ZFHX3: variants seen among roughly 807,000 people sequenced by gnomAD.
ZFHX3 encodes zinc finger homeobox protein 3.
In ZFHX3, 42 loss-of-function variants were observed where a neutral mutation model predicts 279.1. The ratio of observed to expected loss-of-function variants is 0.15; its 90% confidence interval spans 0.12 to 0.19. The LOEUF (loss-of-function observed/expected upper bound fraction) is 0.19. ZFHX3 is among the 10% of genes least tolerant of loss of function. ZFHX3 has a pLI of 1.00. For synonymous variants in ZFHX3, 2,293 were observed against 1,957.8 expected, an observed-to-expected ratio of 1.17 and a Z score of -4.52; for missense variants, 4,981 against 4,754.0, an observed-to-expected ratio of 1.05 and a Z score of -1.40.
intron 3 of ZFHX3, among the ~76,000 whole-genome samples, chr16:73,452,737 A>G (rs965912067): frequency 2.6e-5 from 4 of 152,204 alleles, no homozygotes; most frequent in Admixed American, 2.0e-4. Context: ...GTGCCTGTCT[A>G]AAGTTTCAAG....
chr16:72,785,544 G>A lies in ZFHX3; in HGVS notation c.*1620C>T, dbSNP rs374805180. 6.6e-5 allele frequency: 10 copies of A among 152,622 alleles called. No individual in the cohort carries two copies. In the East Asian group the frequency reaches 1.4e-3, roughly 21 times the overall value. The allele number at this position is 152,622 out of a possible 1,614,324, so 9.5% of individuals were successfully genotyped here. Reference sequence around the variant, plus strand: ...AACTAAGTCTTGTTTGTTTAAATCAGAAACAAATTCTCAAGTAACAAGAAC... The same window carrying A: ...AACTAAGTCTTGTTTGTTTAAATCAAAAACAAATTCTCAAGTAACAAGAAC... On this transcript the variant is annotated 3_prime_UTR_variant, in exon 10 of 10. Coordinates refer to ENST00000268489, the MANE Select transcript of ZFHX3 (RefSeq NM_006885.4).
chr16:73,431,935 C>T (rs2017918531), intron 3 of ZFHX3, among the ~76,000 whole-genome samples: 1 of 152,118 alleles, frequency 6.6e-6, no homozygotes, highest in Non-Finnish European at 1.5e-5. Flanking sequence ...CGAGATTCTC[C>T]TCCATTTGAC....
chr16:73,293,928 G>T (rs1413905435), intron 4 of ZFHX3: 1 of 123,718 alleles, frequency 8.1e-6, no homozygotes, highest in Non-Finnish European at 1.6e-5. Context: ...ACTTTGATCA[G>T]ATTCAACGCT....
chr16:73,350,692 A>T (rs1307769953), intron 3 of ZFHX3, among the ~76,000 whole-genome samples: 1 of 152,214 alleles, frequency 6.6e-6, no homozygotes, highest in Non-Finnish European at 1.5e-5. Context: ...CCTTCGGTCA[A>T]GTGCTGGAAT....
chr16:73,506,876 TGG>T (rs2019336432), intron 2 of ZFHX3, among the ~76,000 whole-genome samples: 1 of 152,210 alleles, frequency 6.6e-6, no homozygotes, highest in Non-Finnish European at 1.5e-5. Context: ...GCCCTCTTCC[TGG>T]CTGAACCAAA....
intron 3 of ZFHX3, among the ~76,000 whole-genome samples, chr16:72,936,691 G>T (rs953063631): frequency 3.3e-5 from 5 of 152,212 alleles, no homozygotes; most frequent in African/African-American, 9.6e-5. Flanking sequence ...AATGAGGTCA[G>T]CATGGTGGGA....
At chr16:73,160,879 C>CA (rs1967218673) in intron 5 of ZFHX3, among the ~76,000 whole-genome samples, 1 of 150,070 alleles carries the variant, frequency 6.7e-6, no homozygotes, top group African/African-American at 2.5e-5. Flanking sequence ...AATGGTCACA[C>CA]ATTTTTCTCC....
chr16:73,046,230 A>G (rs1965295599), intron 1 of ZFHX3, among the ~76,000 whole-genome samples: 1 of 152,124 alleles, frequency 6.6e-6, no homozygotes, highest in African/African-American at 2.4e-5. Context: ...GAAACCCTTC[A>G]ATTATTTGGA....
intron 3 of ZFHX3, among the ~76,000 whole-genome samples, chr16:73,427,097 T>C (rs1198149415): frequency 6.7e-6 from 1 of 148,508 alleles, no homozygotes; most frequent in Non-Finnish European, 1.5e-5. Flanking sequence ...AATATTTAAT[T>C]AAAGCAAAAA....
intron 5 of ZFHX3, among the ~76,000 whole-genome samples, chr16:73,150,605 A>C (rs915868864): frequency 1.3e-5 from 2 of 152,226 alleles, no homozygotes; most frequent in Non-Finnish European, 2.9e-5. Context: ...ACATAAAAGC[A>C]TGAAATCACC....
At chr16:72,808,177 T>C (rs1172583551) in intron 7 of ZFHX3, 2 of 152,208 alleles carry the variant, frequency 1.3e-5, no homozygotes, top group African/African-American at 2.4e-5. Flanking sequence ...TGTGAAACAA[T>C]TGCAAATTCC....
chr16:73,561,515 T>C (rs1311544615), intron 2 of ZFHX3, among the ~76,000 whole-genome samples: 4 of 152,176 alleles, frequency 2.6e-5, no homozygotes, highest in Non-Finnish European at 4.4e-5. Flanking sequence ...TGCTTTAAAA[T>C]GCTCCACCAT....
At chr16:73,307,757 T>C (rs2015216173) in intron 4 of ZFHX3, among the ~76,000 whole-genome samples, 1 of 152,218 alleles carries the variant, frequency 6.6e-6, no homozygotes, top group South Asian at 2.1e-4. Flanking sequence ...TAAAATTTTA[T>C]ACCCACGAGG....
At chr16:72,801,898 G>C (rs1043441012) in intron 7 of ZFHX3, among the ~76,000 whole-genome samples, 1 of 151,634 alleles carries the variant, frequency 6.6e-6, no homozygotes, top group Non-Finnish European at 1.5e-5. Context: ...ACGAGGTTGG[G>C]GGTAAGAGGG....
intron 4 of ZFHX3, among the ~76,000 whole-genome samples, chr16:72,846,974 TGAGAA>T (rs1404324715): frequency 1.3e-5 from 2 of 152,136 alleles, no homozygotes; most frequent in African/African-American, 4.8e-5. Context: ...AGCCTCTCCC[TGAGAA>T]GAGGACAGGG....
intron 1 of ZFHX3, among the ~76,000 whole-genome samples, chr16:72,996,840 CA>C (rs1479453428): frequency 6.6e-6 from 1 of 152,198 alleles, no homozygotes; most frequent in Non-Finnish European, 1.5e-5. Context: ...TCCAGGATCA[CA>C]AAGAAAAGAC....
intron 2 of ZFHX3, among the ~76,000 whole-genome samples, chr16:73,511,525 A>T (rs762884394): frequency 4.6e-5 from 7 of 152,242 alleles, no homozygotes; most frequent in Non-Finnish European, 8.8e-5. Context: ...CAGCCTTAGG[A>T]AACGGTCATT....
intron 2 of ZFHX3, among the ~76,000 whole-genome samples, chr16:73,479,740 T>C (rs2018831271): frequency 6.6e-6 from 1 of 152,110 alleles, no homozygotes; most frequent in Non-Finnish European, 1.5e-5. Context: ...ACTCACCAAA[T>C]AGGGGAGGGT....
At position 73,187,159 on chromosome 16, in the gene ZFHX3, C is replaced by CACACACACACAT. The variant is rs1555503412; in HGVS notation, c.-1103-43329_-1103-43328insATGTGTGTGTGT. Among the ~76,000 whole-genome samples the CACACACACACAT allele has an allele frequency of 8.3e-4, 126 of 151,994 alleles. 1 individual carries two copies. Among genetic ancestry groups the CACACACACACAT allele is most frequent in the African/African-American group, 2.5e-3 (102 of 41,444 alleles). On this transcript the variant is annotated intron_variant, in intron 5 of 17. Transcript: ENST00000641206. ...GTTGTATGTCTCACACACACACACA[C>CACACACACACAT]ACACACACACACACTCACTCAGTGG...
Sources: allele counts gnomAD v4.1 joint callset (sites outside exome capture counted in the v4.1 genomes callset), GRCh38; gene constraint gnomAD v4.1.1; transcripts MANE v1.5; gene names NCBI Gene and HGNC (gene_info 2026-07-23, HGNC 2026-07-21).